Variants in MAP2K2 observed in about 807,000 individuals in gnomAD.
The protein encoded by MAP2K2 is mitogen-activated protein kinase kinase 2.
In MAP2K2, 24 loss-of-function variants were observed where a neutral mutation model predicts 43.7. The ratio of observed to expected loss-of-function variants is 0.55; its 90% CI spans 0.40 to 0.77. The LOEUF (loss-of-function observed/expected upper bound fraction) is 0.77, where lower values mean the gene tolerates loss of function less well. Among genes scored for constraint, MAP2K2 ranks in the 30% least tolerant of loss-of-function variants. The pLI is 0.00. For missense variants in MAP2K2, 470 were observed against 566.8 expected (o/e 0.83, Z 1.73); for synonymous variants, 244 against 239.7 (o/e 1.02, Z -0.17).
chr19:4,120,416 C>T (rs1218434297), intron 1 of MAP2K2, among the ~76,000 whole-genome samples: 2 of 152,216 alleles, frequency 1.3e-5, no homozygotes, highest in Non-Finnish European at 2.9e-5. Context: ...TGGGTCCAAG[C>T]GATTCTCCTG....
At chr19:4,120,902 T>C (rs1003846935) in intron 1 of MAP2K2, among the ~76,000 whole-genome samples, 2 of 145,344 alleles carry the variant, frequency 1.4e-5, no homozygotes, top group South Asian at 2.1e-4. Context: ...GTGCCCGTGT[T>C]GACTTGCACA....
At chr19:4,097,606 A>G (rs1023406265) in intron 7 of MAP2K2, among the ~76,000 whole-genome samples, 7 of 152,148 alleles carry the variant, frequency 4.6e-5, no homozygotes, top group Admixed American at 4.6e-4. Flanking sequence ...GAAGTCACAC[A>G]TTTGGCTCGG....
In MAP2K2 at chr19:4,115,746, G is replaced by A. The variant is rs548838345; in HGVS notation, c.303+1673C>T. ...GCCCTCAAGCACTGCTGCCACCTGC[G>A]CAGACCCACGGGACTAGGTGCAGTC... On this transcript the variant is annotated intron_variant, in intron 2 of 10. Coordinates refer to ENST00000262948, the MANE Select transcript of MAP2K2 (RefSeq NM_030662.4). The surrounding 1 kb of genome is among the most constrained non-coding windows in gnomAD (Gnocchi z 4.1). Among the ~76,000 whole-genome samples the A allele has an allele frequency of 2.0e-5, 3 of 152,326 alleles. No homozygotes were observed. The highest frequency in any genetic ancestry group is 1.3e-4 in the Admixed American group (2 of 15,304).
intron 4 of MAP2K2, 68 bp downstream of exon 4, chr19:4,102,308 C>T (rs986252859): frequency 7.9e-6 from 11 of 1,386,884 alleles, no homozygotes; most frequent in Non-Finnish European, 9.9e-6. Context: ...CTCCCGGAAC[C>T]CTGGCCGTGT....
At chr19:4,112,650 C>A (rs1053686519) in intron 2 of MAP2K2, among the ~76,000 whole-genome samples, 1 of 152,026 alleles carries the variant, frequency 6.6e-6, no homozygotes, top group African/African-American at 2.4e-5. Flanking sequence ...GCAGCCCTGG[C>A]GCTGCCTGCC....
At chr19:4,118,317 C>A (rs945653117) in intron 1 of MAP2K2, among the ~76,000 whole-genome samples, 1 of 151,198 alleles carries the variant, frequency 6.6e-6, no homozygotes, top group Non-Finnish European at 1.5e-5. Flanking sequence ...GAACGGAGCC[C>A]GGGCCAAGAT....
chr19:4,104,864 G>T (rs2041063476), intron 3 of MAP2K2: 1 of 152,334 alleles, frequency 6.6e-6, no homozygotes, highest in African/African-American at 2.4e-5. Context: ...TCTGGGGTGG[G>T]GCCGACCTGG....
At position 4,102,359 on chromosome 19, in the gene MAP2K2, G is replaced by C. The variant is rs772831774; in HGVS notation, c.528+17C>G. 26 of 1,581,750 alleles carry C rather than the reference G, an allele frequency of 1.6e-5. 1 individual carries two copies. Among genetic ancestry groups the C allele is most frequent in the Non-Finnish European group, 2.1e-5 (25 of 1,164,560 alleles). On this transcript the variant is annotated intron_variant, in intron 4 of 10. Coordinates refer to ENST00000262948, the MANE Select transcript of MAP2K2 (RefSeq NM_030662.4). The stretch of plus-strand genomic sequence containing the variant: ...AGAGTGCGGTGGGGGCGCGATGTGG[G>C]TCTGCGGTGGACTCACCGCGATGCT...
chr19:4,091,318 A>G (rs2040852462), intron 10 of MAP2K2, among the ~76,000 whole-genome samples: 2 of 151,702 alleles, frequency 1.3e-5, no homozygotes, highest in South Asian at 4.2e-4. Flanking sequence ...CCTCAATTTT[A>G]TTTCAGTTTA....
intron 3 of MAP2K2, 54 bp from the exon 4 acceptor site, chr19:4,102,507 A>G (rs1242855283): frequency 3.0e-6 from 4 of 1,343,890 alleles, no homozygotes; most frequent in Non-Finnish European, 3.1e-6. Flanking sequence ...CCGGGAAGCC[A>G]CGGATGCGTC....
At position 4,115,729 on chromosome 19, in the gene MAP2K2, G is replaced by T. The variant is rs927871473; in HGVS notation, c.303+1690C>A. Among the ~76,000 whole-genome samples, 1 of 152,240 alleles carries T rather than the reference G, an allele frequency of 6.6e-6. No individual in the cohort carries two copies. Among genetic ancestry groups the T allele is most frequent in the Non-Finnish European group, 1.5e-5 (1 of 68,040 alleles). ...CTCCCGAGGAAGGCAGGGCCCTCAA[G>T]CACTGCTGCCACCTGCGCAGACCCA... On this transcript the variant is annotated intron_variant, in intron 2 of 10. Coordinates refer to ENST00000262948, the MANE Select transcript of MAP2K2 (RefSeq NM_030662.4). The surrounding 1 kb of genome is among the most constrained non-coding windows in gnomAD (Gnocchi z 4.1).
intron 3 of MAP2K2, among the ~76,000 whole-genome samples, chr19:4,106,916 C>G (rs561807142): frequency 6.6e-6 from 1 of 152,192 alleles, no homozygotes; most frequent in South Asian, 2.1e-4. Flanking sequence ...AGGACGAGAC[C>G]CCCAGAAAGG....
intron 8 of MAP2K2, among the ~76,000 whole-genome samples, chr19:4,095,777 C>T (rs1446189051): frequency 6.6e-6 from 1 of 152,104 alleles, no homozygotes; most frequent in Non-Finnish European, 1.5e-5. Flanking sequence ...ACATCTGGAT[C>T]CAAAGTTATT....
chr19:4,119,697 T>C (rs971607785), intron 1 of MAP2K2, among the ~76,000 whole-genome samples: 1 of 152,248 alleles, frequency 6.6e-6, no homozygotes, highest in Non-Finnish European at 1.5e-5. Context: ...TCTTGTTTTA[T>C]GTGTTGCCTG....
chr19:4,113,331 G>GT (rs2041179508), intron 2 of MAP2K2, among the ~76,000 whole-genome samples: 1 of 152,180 alleles, frequency 6.6e-6, no homozygotes. Flanking sequence ...TAATGGTTCT[G>GT]TAATACCTGG....
In MAP2K2 at chr19:4,099,282, C is replaced by G. The variant is rs763167619; in HGVS notation, c.838G>C (p.Gly280Arg). The G allele has an allele frequency of 6.2e-7, 1 of 1,606,562 alleles. No homozygotes were observed. The highest frequency in any genetic ancestry group is 2.2e-5 in the East Asian group (1 of 44,550). The change falls in exon 7 of 11, where the codon GGC becomes CGC. Residue 280 changes from glycine to arginine, a missense_variant. Gly to Arg is a moderately radical substitution (Grantham distance 125, BLOSUM62 -2). Coordinates refer to ENST00000262948, the MANE Select transcript of MAP2K2 (RefSeq NM_030662.4). Reference sequence around the variant, plus strand: ...TCTTCCCCGTCGACCACGGGCCGGCCAAAGATGGCCTCCAGCTCTTTGGCG... The same window carrying G: ...TCTTCCCCGTCGACCACGGGCCGGCGAAAGATGGCCTCCAGCTCTTTGGCG... ...PDAKELEAIF[G>R]RPVVDGEEGE...
intron 1 of MAP2K2, among the ~76,000 whole-genome samples, chr19:4,118,505 G>A (rs929162215): frequency 1.3e-5 from 2 of 152,170 alleles, no homozygotes; most frequent in Non-Finnish European, 2.9e-5. Flanking sequence ...CTTGAACCCG[G>A]GAGGGGGAGA....
In MAP2K2 at chr19:4,123,895, G is replaced by A. The variant is rs1279530248; in HGVS notation, c.-20C>T. ...CAGCATCGGGGCTCCGCGGGCCGGC[G>A]GCGGCGGCGCCTCTAGCCGGGGCCC... is the stretch of plus-strand genomic sequence containing the variant. On this transcript the variant is annotated 5_prime_UTR_variant, in exon 1 of 11. Coordinates refer to ENST00000262948, the MANE Select transcript of MAP2K2 (RefSeq NM_030662.4). 12 of 1,390,608 alleles carry A rather than the reference G, an allele frequency of 8.6e-6. No individual in the cohort carries two copies. The highest frequency in any genetic ancestry group is 9.4e-6 in the Non-Finnish European group (10 of 1,064,176). 86.1% of individuals were successfully genotyped at this position (1,390,608 alleles called of 1,614,324 possible).
intron 1 of MAP2K2, among the ~76,000 whole-genome samples, chr19:4,118,263 G>C (rs553129536): frequency 6.6e-4 from 100 of 152,334 alleles, no homozygotes; most frequent in African/African-American, 1.6e-3. Context: ...TAACGCACGA[G>C]CTCCGGACCA....
Sources: allele counts gnomAD v4.1 joint callset (sites outside exome capture counted in the v4.1 genomes callset), GRCh38; gene constraint gnomAD v4.1.1; non-coding constraint Gnocchi (gnomAD v3.1); transcripts MANE v1.5; gene names NCBI Gene and HGNC (gene_info 2026-07-23, HGNC 2026-07-21).